Variants in PPP4R4 observed in about 807,000 individuals in gnomAD.
The protein encoded by PPP4R4 is protein phosphatase 4 regulatory subunit 4.
PPP4R4 carries 70 observed loss-of-function variants against 121.8 expected under a neutral mutation model. The ratio of observed to expected loss-of-function variants is 0.57; its 90% confidence interval spans 0.47 to 0.70. The LOEUF is 0.70. PPP4R4 is among the 30% of genes least tolerant of loss of function. The pLI, the probability that PPP4R4 is intolerant of heterozygous loss-of-function variation, is 0.00. For synonymous variants in PPP4R4, 348 were observed against 355.7 expected, an observed-to-expected ratio of 0.98 and a Z score of 0.24; for missense variants, 875 against 1,033.6, an observed-to-expected ratio of 0.85 and a Z score of 2.10.
At position 94,264,870 on chromosome 14, in the gene PPP4R4, A is replaced by C. The variant is rs777924257; in HGVS notation, c.2128-8A>C. On this transcript the variant is annotated splice_polypyrimidine_tract_variant and splice_region_variant and intron_variant, in intron 19 of 24. Coordinates refer to ENST00000304338, the MANE Select transcript of PPP4R4 (RefSeq NM_058237.2). ...TACCTTTAATGCAAGATACTGTCTT[A>C]ATAACAGGAACAATTAGAGAAAGAA... The C allele has an allele frequency of 1.9e-5, 31 of 1,590,530 alleles. No individual in the cohort carries two copies. The highest frequency in any genetic ancestry group is 2.7e-5 in the African/African-American group (2 of 73,856).
At chr14:94,218,117 A>G (rs866680981) in intron 3 of PPP4R4, among the ~76,000 whole-genome samples, 1 of 152,220 alleles carries the variant, frequency 6.6e-6, no homozygotes, top group South Asian at 2.1e-4. Context: ...AATAGAAACT[A>G]TCCAAACTGA....
At chr14:94,274,256 A>C (rs1266912109) in intron 23 of PPP4R4, among the ~76,000 whole-genome samples, 3 of 152,162 alleles carry the variant, frequency 2.0e-5, no homozygotes, top group Non-Finnish European at 4.4e-5. Context: ...ACAAAGATTT[A>C]TCTTGACCAT....
chr14:94,197,682 G>A (rs1038389989), intron 2 of PPP4R4, among the ~76,000 whole-genome samples: 4 of 152,016 alleles, frequency 2.6e-5, no homozygotes, highest in Non-Finnish European at 2.9e-5. Flanking sequence ...ATCCACCTCC[G>A]AAAATTTCCC....
intron 2 of PPP4R4, among the ~76,000 whole-genome samples, chr14:94,185,915 C>T (rs1418914722): frequency 6.6e-6 from 1 of 152,096 alleles, no homozygotes. Context: ...TTTTCATCAC[C>T]CCCACAAAAG....
rs1242391768 is a variant in PPP4R4, at chr14:94,174,544, C to T, written c.79C>T (p.Leu27Phe). Reference sequence around the variant, plus strand: ...CGGTTACATGGAGGACCTGCAGGAGCTCACCATCATCGAGAGGCCGGTCCG... The same window carrying T: ...CGGTTACATGGAGGACCTGCAGGAGTTCACCATCATCGAGAGGCCGGTCCG... ...LFGYMEDLQELTIIERPVRRS... is the reference protein window; with the variant it reads ...LFGYMEDLQEFTIIERPVRRS... The change falls in exon 1 of 25, where the codon CTC (leucine) becomes TTC (phenylalanine). Residue 27 changes from leucine (L) to phenylalanine (F), a missense_variant. Transcript: ENST00000304338. 6.2e-7 allele frequency: 1 copy of T among 1,612,540 alleles called. No individual in the cohort carries two copies. Among genetic ancestry groups the T allele is most frequent in the East Asian group, 2.2e-5 (1 of 44,804 alleles).
rs1177587298 is a variant in PPP4R4 at position 94,258,789 on chromosome 14, T to C, written c.2017T>C (p.Leu673=). 3 of 1,574,060 alleles carry C rather than the reference T, an allele frequency of 1.9e-6. No individual in the cohort carries two copies. Among genetic ancestry groups the C allele is most frequent in the African/African-American group, 2.7e-5 (2 of 73,994 alleles). ...TTAAAAACTTTCCTTATAGACTGTA[T>C]TAGAGTTGGACAGAATGGAAATGTC... The part of the protein sequence containing the change: ...DVLAIVKRTV[L]ELDRMEMSMD... The change falls in exon 18 of 25, where the codon TTA becomes CTA. Residue 673 remains leucine (L), a synonymous_variant. Transcript: ENST00000304338.
chr14:94,251,749 A>G lies in PPP4R4; in HGVS notation c.1718A>G (p.Gln573Arg). Residue 573 changes from glutamine to arginine, a missense_variant and splice_region_variant, in exon 16 of 25, where the codon CAA (glutamine) becomes CGA (arginine). Transcript: ENST00000304338. ...AGATAATTTTTGTTGTTGTTTCTAG[A>G]ATTGGGCCAAGGAAAAAGTTACTGG... The part of the protein sequence containing the change: ...RHEVIQKLIE[Q>R]LGQGKSYWNR... 2 of 1,540,476 alleles carry G rather than the reference A, an allele frequency of 1.3e-6. No homozygotes were observed. The highest frequency in any genetic ancestry group is 1.7e-6 in the Non-Finnish European group (2 of 1,147,374).
At chr14:94,272,152 A>C (rs1175890491) in intron 23 of PPP4R4, among the ~76,000 whole-genome samples, 1 of 152,210 alleles carries the variant, frequency 6.6e-6, no homozygotes, top group Non-Finnish European at 1.5e-5. Flanking sequence ...GGTGGATATC[A>C]ACAAACTGTT....
chr14:94,214,541 A>G (rs972464000), intron 3 of PPP4R4, among the ~76,000 whole-genome samples: 1 of 151,840 alleles, frequency 6.6e-6, no homozygotes, highest in Admixed American at 6.6e-5. Flanking sequence ...GAAAGAAATA[A>G]TAGGAAAAAA....
At chr14:94,253,514 T>C (rs896093621) in intron 16 of PPP4R4, among the ~76,000 whole-genome samples, 1 of 152,228 alleles carries the variant, frequency 6.6e-6, no homozygotes, top group Non-Finnish European at 1.5e-5. Flanking sequence ...AAACAACTAA[T>C]GGGTCCATCT....
rs1370358331 is a variant in PPP4R4, at chr14:94,257,472, TTC to T, written c.2010+872_2010+873del. On this transcript the variant is annotated intron_variant, in intron 17 of 24. Coordinates refer to ENST00000304338, the MANE Select transcript of PPP4R4 (RefSeq NM_058237.2). ...TGAGAAAAGAGAGAATTCTTATTTTTTCTCTTTTTTTCTAGAAATCATTGCCA... is the reference window on the plus strand; with the variant it reads ...TGAGAAAAGAGAGAATTCTTATTTTTTCTTTTTTTCTAGAAATCATTGCCA... Among the ~76,000 whole-genome samples the T allele has an allele frequency of 3.3e-5, 5 of 152,182 alleles. No homozygotes were observed. In the South Asian group the frequency reaches 6.2e-4, roughly 19 times the overall value.
At chr14:94,249,600 A>G (rs1893075503) in intron 14 of PPP4R4, among the ~76,000 whole-genome samples, 1 of 152,090 alleles carries the variant, frequency 6.6e-6, no homozygotes, top group South Asian at 2.1e-4. Flanking sequence ...TTTAGAATTA[A>G]GGTTCTGCCT....
rs1317730083 is a variant in PPP4R4, at chr14:94,255,549, C to T, written c.1866-911C>T. 2.0e-5 allele frequency among the ~76,000 whole-genome samples: 3 copies of T among 150,626 alleles called. No individual in the cohort carries two copies. The East Asian group carries it at 5.9e-4, about 29-fold the overall frequency. ...CTGGGAGGCGGAGCCTGCAGTGAGCCGAGATCACACCACTGCATTCCAGCC... is the reference window on the plus strand; with the variant it reads ...CTGGGAGGCGGAGCCTGCAGTGAGCTGAGATCACACCACTGCATTCCAGCC... On this transcript the variant is annotated intron_variant, in intron 16 of 24. Transcript: ENST00000304338.
At chr14:94,186,147 A>T (rs763628875) in intron 2 of PPP4R4, among the ~76,000 whole-genome samples, 2 of 152,172 alleles carry the variant, frequency 1.3e-5, no homozygotes, top group Admixed American at 6.5e-5. Context: ...AATAAATCAC[A>T]TGTATTTAAA....
chr14:94,202,461 C>T (rs1017788643), intron 2 of PPP4R4, among the ~76,000 whole-genome samples: 1 of 152,134 alleles, frequency 6.6e-6, no homozygotes, highest in East Asian at 1.9e-4. Flanking sequence ...ACATCCCTGC[C>T]TTGTTCCTGA....
Position 94,265,870 on chromosome 14 carries a change from C to A in PPP4R4, c.2361C>A (p.Asn787Lys), listed in dbSNP as rs1247894848. 1 of 1,598,882 alleles carries A rather than the reference C, an allele frequency of 6.3e-7. No homozygotes were observed. Among genetic ancestry groups the A allele is most frequent in the Admixed American group, 1.7e-5 (1 of 59,414 alleles). Residue 787 changes from asparagine (N) to lysine (K), a missense_variant, in exon 22 of 25, where the codon AAC becomes AAA. Transcript: ENST00000304338. ...NNQAFHAKYG[N>K]LEKCASKSST... ...AAGCTTTTCATGCAAAATATGGCAA[C>A]TTAGAGAAATGTGCTAGGTACGATC... is the stretch of plus-strand genomic sequence containing the variant.
chr14:94,265,389 A>G lies in PPP4R4; in HGVS notation c.2200A>G (p.Arg734Gly), dbSNP rs376235050. 3.7e-6 allele frequency: 6 copies of G among 1,605,390 alleles called. No individual in the cohort carries two copies. The African/African-American group carries it at 4.0e-5, about 11-fold the overall frequency. ...MSDKMFEKKR[R>G]DTKTPTQSLP... ...ACTTAAAGCAGAATTTATTTTAGGT[A>G]GAGACACTAAGACACCAACGCAAAG... The change falls in exon 21 of 25, where the codon AGA becomes GGA. Residue 734 changes from arginine (R) to glycine (G), a missense_variant and splice_region_variant. Transcript: ENST00000304338.
At chr14:94,226,883 C>T (rs1401892389) in intron 3 of PPP4R4, among the ~76,000 whole-genome samples, 2 of 152,266 alleles carry the variant, frequency 1.3e-5, no homozygotes, top group East Asian at 3.9e-4. Context: ...GAAACTTAAA[C>T]ACTTGCTCTT....
chr14:94,208,865 G>A (rs1890597887), intron 3 of PPP4R4, among the ~76,000 whole-genome samples: 1 of 151,420 alleles, frequency 6.6e-6, no homozygotes, highest in Non-Finnish European at 1.5e-5. Context: ...TTAAAAAAAA[G>A]TATTTAGTAT....
Sources: gnomAD v4.1 joint callset for allele counts (sites outside exome capture counted in the v4.1 genomes callset) on GRCh38, gnomAD v4.1.1 for gene constraint, MANE v1.5 for transcripts, NCBI Gene and HGNC (gene_info 2026-07-23, HGNC 2026-07-21) for gene names.